The following NCKAP5 variants were observed in gnomAD, a reference collection of about 807,000 sequenced individuals.
The protein encoded by NCKAP5 is NCK associated protein 5, also known as nck-associated protein 5.
Under a neutral mutation model 167.0 loss-of-function variants are expected in NCKAP5, and 92 were observed. The ratio of observed to expected loss-of-function variants is 0.55; its 90% CI spans 0.47 to 0.66. The LOEUF (loss-of-function observed/expected upper bound fraction) is 0.66, where lower values mean the gene tolerates loss of function less well. Among genes scored for constraint, NCKAP5 ranks in the 30% least tolerant of loss-of-function variants. NCKAP5 has a pLI of 0.00. For synonymous variants in NCKAP5, 891 were observed against 877.4 expected (o/e 1.02, Z -0.27); for missense variants, 2,378 against 2,315.0 (o/e 1.03, Z -0.56).
intron 5 of NCKAP5, among the ~76,000 whole-genome samples, chr2:133,147,955 AG>A (rs1277482883): frequency 6.6e-6 from 1 of 152,148 alleles, no homozygotes; most frequent in Non-Finnish European, 1.5e-5. Context: ...TAATGGATGC[AG>A]TTAGATCTTG....
chr2:132,811,734 T>C (rs935898761), intron 11 of NCKAP5, among the ~76,000 whole-genome samples: 5 of 152,122 alleles, frequency 3.3e-5, no homozygotes, highest in African/African-American at 1.2e-4. Context: ...GTTCTTCCCC[T>C]GCCTGTGGAG....
intron 11 of NCKAP5, among the ~76,000 whole-genome samples, chr2:132,840,474 G>T (rs1338004896): frequency 1.3e-5 from 2 of 151,870 alleles, no homozygotes; most frequent in African/African-American, 4.8e-5. Flanking sequence ...ATGGGATTTC[G>T]TCATGTTGGT....
chr2:133,509,969 G>C (rs935427022), intron 3 of NCKAP5, among the ~76,000 whole-genome samples: 1 of 152,192 alleles, frequency 6.6e-6, no homozygotes, highest in African/African-American at 2.4e-5. Flanking sequence ...CTTCTTTTCA[G>C]AGATGAAAGG....
chr2:132,825,338 GCA>G (rs1205806304), intron 11 of NCKAP5, among the ~76,000 whole-genome samples: 4 of 152,144 alleles, frequency 2.6e-5, no homozygotes, highest in Non-Finnish European at 5.9e-5. Context: ...ATGAGGGATG[GCA>G]CAGTTTATGA....
At chr2:132,947,774 A>C (rs1171178948) in intron 8 of NCKAP5, among the ~76,000 whole-genome samples, 1 of 152,164 alleles carries the variant, frequency 6.6e-6, no homozygotes, top group East Asian at 1.9e-4. Context: ...GAAATGAAGA[A>C]TTCACAAGAT....
chr2:133,546,722 C>T (rs1039198352), intron 2 of NCKAP5, among the ~76,000 whole-genome samples: 6 of 152,266 alleles, frequency 3.9e-5, no homozygotes, highest in African/African-American at 1.4e-4. Flanking sequence ...GGTGTAAAAC[C>T]ATTTCAGGCA....
At chr2:133,147,245 G>T (rs910926482) in intron 5 of NCKAP5, among the ~76,000 whole-genome samples, 3 of 152,146 alleles carry the variant, frequency 2.0e-5, no homozygotes, top group African/African-American at 7.2e-5. Flanking sequence ...AGCACAGGGT[G>T]CTCCTCTATG....
the NCKAP5 span, among the ~76,000 whole-genome samples, chr2:133,664,791 C>A: frequency 5.3e-5 from 8 of 152,172 alleles, no homozygotes; most frequent in African/African-American, 1.9e-4. Context: ...AGCCACCGCA[C>A]CCAGCCGAAA....
intron 3 of NCKAP5, among the ~76,000 whole-genome samples, chr2:133,340,660 T>C (rs1683515834): frequency 6.6e-6 from 1 of 152,198 alleles, no homozygotes; most frequent in Non-Finnish European, 1.5e-5. Context: ...ATGAATGCCC[T>C]ATAACAATAA....
intron 5 of NCKAP5, among the ~76,000 whole-genome samples, chr2:133,177,194 G>A (rs2150016541): frequency 9.5e-6 from 1 of 104,754 alleles, no homozygotes; most frequent in Middle Eastern, 4.4e-3. Flanking sequence ...ATATACTCAA[G>A]AAACTTCTGT....
intron 3 of NCKAP5, among the ~76,000 whole-genome samples, chr2:133,319,787 G>A (rs1214295141): frequency 1.3e-5 from 2 of 152,156 alleles, no homozygotes; most frequent in Non-Finnish European, 2.9e-5. Flanking sequence ...GGAACATCAG[G>A]AAACTTATGC....
chr2:133,109,467 G>T (rs192937124), intron 6 of NCKAP5, among the ~76,000 whole-genome samples: 175 of 152,260 alleles, frequency 1.1e-3, no homozygotes, highest in Middle Eastern at 6.8e-3. Context: ...AATGTAAAGA[G>T]ATCTATTAAG....
At chr2:133,358,861 T>G (rs903319371) in intron 3 of NCKAP5, among the ~76,000 whole-genome samples, 4 of 152,206 alleles carry the variant, frequency 2.6e-5, no homozygotes, top group Admixed American at 2.6e-4. Flanking sequence ...GTTAGCTTCA[T>G]GTGCTAATAT....
intron 5 of NCKAP5, among the ~76,000 whole-genome samples, chr2:133,210,087 C>T (rs1010791482): frequency 6.6e-6 from 1 of 151,708 alleles, no homozygotes. Context: ...ATCGCTTCAA[C>T]CAAGGAGGCA....
the NCKAP5 span, among the ~76,000 whole-genome samples, chr2:133,597,229 G>A: frequency 6.6e-6 from 1 of 152,196 alleles, no homozygotes. Flanking sequence ...CAGACCAACT[G>A]CACCAGTGTG....
At chr2:133,236,574 G>T (rs185682471) in intron 4 of NCKAP5, among the ~76,000 whole-genome samples, 1 of 152,150 alleles carries the variant, frequency 6.6e-6, no homozygotes, top group Admixed American at 6.5e-5. Flanking sequence ...CATAGATGAT[G>T]ATAGGAAAAA....
At chr2:132,728,653 T>C (rs1351539796) in intron 18 of NCKAP5, among the ~76,000 whole-genome samples, 163 bp downstream of exon 18, 4 of 152,158 alleles carry the variant, frequency 2.6e-5, no homozygotes, top group Non-Finnish European at 4.4e-5. Flanking sequence ...TATTCCTTAA[T>C]AAGGCAGGGG....
chr2:133,448,538 C>A (rs1333138198), intron 3 of NCKAP5, among the ~76,000 whole-genome samples: 1 of 152,198 alleles, frequency 6.6e-6, no homozygotes, highest in Non-Finnish European at 1.5e-5. Flanking sequence ...TCCCCAAATG[C>A]TGCAAATTGA....
chr2:133,510,314 C>A (rs1249605520), intron 3 of NCKAP5, among the ~76,000 whole-genome samples: 5 of 152,146 alleles, frequency 3.3e-5, no homozygotes, highest in Non-Finnish European at 7.3e-5. Flanking sequence ...ATAACTCCAC[C>A]TTGTACATGA....
Sources: allele counts gnomAD v4.1 joint callset (sites outside exome capture counted in the v4.1 genomes callset), GRCh38; gene constraint gnomAD v4.1.1; transcripts MANE v1.5; gene names NCBI Gene and HGNC (gene_info 2026-07-23, HGNC 2026-07-21).